CACNB2: variants seen among roughly 807,000 people sequenced by gnomAD.
The protein encoded by CACNB2 is calcium voltage-gated channel auxiliary subunit beta 2.
A neutral mutation model predicts 73.3 loss-of-function variants in CACNB2; 42 were observed. The observed-to-expected ratio is 0.57, with a 90% CI of 0.45 to 0.74. CACNB2 has a LOEUF of 0.74. CACNB2 is among the 30% of genes least tolerant of loss of function. The probability of loss-of-function intolerance (pLI) is 0.00; values close to 1 mark genes in which losing one functional copy is unlikely to be tolerated. For synonymous variants in CACNB2, 348 were observed against 310.3 expected (o/e 1.12, Z -1.28); for missense variants, 940 against 853.0 (o/e 1.10, Z -1.27).
chr10:18,341,074 T>C lies in CACNB2; in HGVS notation c.214-60850T>C, dbSNP rs184120039. ...TGCCGAGCTTGAGCTAAAATCATAC[T>C]AGTTACTTAACTTTTTAGACTTTCT... On this transcript the variant is annotated intron_variant, in intron 2 of 13. Coordinates refer to ENST00000324631, the MANE Select transcript of CACNB2 (RefSeq NM_201596.3). 4 of 1,269,154 alleles carry C rather than the reference T, an allele frequency of 3.2e-6. No homozygotes were observed. The African/African-American group carries it at 4.4e-5, about 14-fold the overall frequency. 78.6% of individuals were successfully genotyped at this position (1,269,154 alleles called of 1,614,324 possible).
At position 18,532,694 on chromosome 10, in the gene CACNB2, A is replaced by AC. The variant is rs1303606450; in HGVS notation, c.1055-1382_1055-1381insC. Among the ~76,000 whole-genome samples, 5 of 81,994 alleles carry AC rather than the reference A, an allele frequency of 6.1e-5. No homozygotes were observed. In the East Asian group the frequency reaches 1.6e-3, roughly 27 times the overall value. 53.8% of individuals were successfully genotyped at this position (81,994 alleles called of 152,430 possible). A position where few individuals can be genotyped will look rare whatever the true frequency, so the allele number is the denominator to read the frequency against. On this transcript the variant is annotated intron_variant, in intron 10 of 13. Coordinates refer to ENST00000324631, the MANE Select transcript of CACNB2 (RefSeq NM_201596.3). The stretch of plus-strand genomic sequence containing the variant: ...TCTGTCTCAAAAAAAAAAAAAAAAA[A>AC]AACAAAACAAAAAAACAAACAAACA...
intron 5 of CACNB2, among the ~76,000 whole-genome samples, chr10:18,502,858 A>T (rs2050283634): frequency 6.6e-6 from 1 of 151,974 alleles, no homozygotes; most frequent in Non-Finnish European, 1.5e-5. Flanking sequence ...CTCCTGGGGC[A>T]TTATGTTCAT....
intron 2 of CACNB2, among the ~76,000 whole-genome samples, chr10:18,278,474 C>T (rs1276120133): frequency 6.6e-6 from 1 of 151,778 alleles, no homozygotes; most frequent in African/African-American, 2.4e-5. Context: ...TTATGTATTC[C>T]CCAGGTGAGG....
chr10:18,539,261 C>T lies in CACNB2; in HGVS notation c.1520C>T (p.Ser507Phe). 1 of 1,613,990 alleles carries T rather than the reference C, an allele frequency of 6.2e-7. No homozygotes were observed. Among genetic ancestry groups the T allele is most frequent in the Non-Finnish European group, 8.5e-7 (1 of 1,180,000 alleles). Residue 507 changes from serine (S) to phenylalanine (F), a missense_variant, in exon 14 of 14, where the codon TCC becomes TTC. Coordinates refer to ENST00000324631, the MANE Select transcript of CACNB2 (RefSeq NM_201596.3). ...CAAGGTGATCAGAGGACTGATCGCT[C>T]CGCTCCTATCCGTTCTGCTTCCCAA... ...GSQGDQRTDR[S>F]APIRSASQAE...
At chr10:18,484,877 G>A (rs2048977692) in intron 3 of CACNB2, among the ~76,000 whole-genome samples, 1 of 152,114 alleles carries the variant, frequency 6.6e-6, no homozygotes, top group African/African-American at 2.4e-5. Context: ...AATCCTGGCT[G>A]GGCGCGATGG....
intron 2 of CACNB2, among the ~76,000 whole-genome samples, chr10:18,295,680 A>G (rs1421806574): frequency 1.3e-5 from 2 of 152,230 alleles, no homozygotes; most frequent in Non-Finnish European, 2.9e-5. Flanking sequence ...TTCACATAAC[A>G]AAGAATGCTA....
In CACNB2 at chr10:18,539,272, C is replaced by A. The variant is rs764111314; in HGVS notation, c.1531C>A (p.Arg511Ser). ...DQRTDRSAPIRSASQAEEEPS... is the reference protein window; with the variant it reads ...DQRTDRSAPISSASQAEEEPS... ...GAGGACTGATCGCTCCGCTCCTATCCGTTCTGCTTCCCAAGCTGAAGAAGA... is the reference window on the plus strand; with the variant it reads ...GAGGACTGATCGCTCCGCTCCTATCAGTTCTGCTTCCCAAGCTGAAGAAGA... The change falls in exon 14 of 14, where the codon CGT becomes AGT. Residue 511 changes from arginine to serine, a missense_variant. Arg to Ser is a moderately radical substitution (Grantham distance 110). Coordinates refer to ENST00000324631, the MANE Select transcript of CACNB2 (RefSeq NM_201596.3). The A allele has an allele frequency of 1.2e-6, 2 of 1,613,818 alleles. No homozygotes were observed. Among genetic ancestry groups the A allele is most frequent in the Admixed American group, 3.3e-5 (2 of 59,952 alleles).
Position 18,150,873 on chromosome 10 carries a change from T to TTTTTTTTTTTTTTTTTTTTTA in CACNB2, c.121-3_121-2insTTTTTTTTTTTTTATTTTTTT, listed in dbSNP as rs760727415. 8.1e-7 allele frequency: 1 copy of TTTTTTTTTTTTTTTTTTTTTA among 1,241,916 alleles called. No homozygotes were observed. Among genetic ancestry groups the TTTTTTTTTTTTTTTTTTTTTA allele is most frequent in the Non-Finnish European group, 1.1e-6 (1 of 911,404 alleles). The allele number at this position is 1,241,916 out of a possible 1,614,324, so 76.9% of individuals were successfully genotyped here. A position where few individuals can be genotyped will look rare whatever the true frequency, so the allele number is the denominator to read the frequency against. ...TATTTGTCTTTTTTTTTTTTTTTTT[T>TTTTTTTTTTTTTTTTTTTTTA]TTTTTTTAGTCATATGGAAAAGGAG... On this transcript the variant is annotated splice_polypyrimidine_tract_variant and intron_variant, in intron 1 of 13. Transcript: ENST00000324631.
intron 2 of CACNB2, among the ~76,000 whole-genome samples, chr10:18,290,495 C>G (rs112593040): frequency 1.3e-5 from 2 of 152,168 alleles, no homozygotes; most frequent in African/African-American, 2.4e-5. Context: ...AGTGACCATT[C>G]TCCCAGGAAG....
intron 2 of CACNB2, among the ~76,000 whole-genome samples, chr10:18,316,235 T>C (rs2040178368): frequency 6.6e-6 from 1 of 152,184 alleles, no homozygotes; most frequent in Admixed American, 6.5e-5. Flanking sequence ...TTAAAGTAAT[T>C]TTTTGCAGTA....
chr10:18,413,952 T>C (rs1304926010), intron 3 of CACNB2, among the ~76,000 whole-genome samples: 1 of 152,232 alleles, frequency 6.6e-6, no homozygotes, highest in Non-Finnish European at 1.5e-5. Flanking sequence ...GAATGGAAAG[T>C]AATGAAACAA....
At chr10:18,508,029 C>T (rs1387760964) in intron 6 of CACNB2, among the ~76,000 whole-genome samples, 1 of 152,114 alleles carries the variant, frequency 6.6e-6, no homozygotes, top group Non-Finnish European at 1.5e-5. Context: ...TCCTCCTCAG[C>T]CTCCCAAACT....
At chr10:18,239,646 T>C (rs896527289) in intron 2 of CACNB2, among the ~76,000 whole-genome samples, 4 of 152,212 alleles carry the variant, frequency 2.6e-5, no homozygotes, top group Admixed American at 2.6e-4. Context: ...CAAGTGCAAG[T>C]ATCTTTTGTA....
chr10:18,333,387 G>C (rs752394260), intron 2 of CACNB2, among the ~76,000 whole-genome samples: 1 of 151,640 alleles, frequency 6.6e-6, no homozygotes, highest in African/African-American at 2.4e-5. Context: ...TGGGACAAAA[G>C]CACTTTGCTC....
At chr10:18,291,072 G>T (rs2039047008) in intron 2 of CACNB2, among the ~76,000 whole-genome samples, 1 of 152,206 alleles carries the variant, frequency 6.6e-6, no homozygotes, top group South Asian at 2.1e-4. Flanking sequence ...CAACAGGTGC[G>T]CAGTGAGCTT....
intron 3 of CACNB2, among the ~76,000 whole-genome samples, chr10:18,473,963 C>T (rs1364503468): frequency 6.6e-6 from 1 of 152,266 alleles, no homozygotes; most frequent in South Asian, 2.1e-4. Flanking sequence ...TTGAGTGAGA[C>T]ACAAAATTGC....
At chr10:18,240,454 G>A (rs2036604892) in intron 2 of CACNB2, among the ~76,000 whole-genome samples, 1 of 152,174 alleles carries the variant, frequency 6.6e-6, no homozygotes, top group Non-Finnish European at 1.5e-5. Context: ...CCTGCAGGGA[G>A]ATATTGAGAA....
rs1251222702 is a variant in CACNB2, at chr10:18,506,558, G to A, written c.670+11G>A. 2 of 1,512,692 alleles carry A rather than the reference G, an allele frequency of 1.3e-6. No individual in the cohort carries two copies. Among genetic ancestry groups the A allele is most frequent in the Non-Finnish European group, 1.8e-6 (2 of 1,087,990 alleles). 93.7% of individuals were successfully genotyped at this position (1,512,692 alleles called of 1,614,324 possible). A position where few individuals can be genotyped will look rare whatever the true frequency, so the allele number is the denominator to read the frequency against. Reference sequence around the variant, plus strand: ...CACCTCCATCATCTGGTAAGTAGGTGATAAATGCTGAATAATACATACTGC... The same window carrying A: ...CACCTCCATCATCTGGTAAGTAGGTAATAAATGCTGAATAATACATACTGC... On this transcript the variant is annotated intron_variant, in intron 6 of 13. Transcript: ENST00000324631.
intron 2 of CACNB2, among the ~76,000 whole-genome samples, chr10:18,396,455 G>A (rs936116649): frequency 8.5e-5 from 13 of 152,082 alleles, no homozygotes; most frequent in Admixed American, 3.9e-4. Context: ...GTCCTGGCCC[G>A]CTGAAGTCTA....
Sources: allele counts gnomAD v4.1 joint callset (sites outside exome capture counted in the v4.1 genomes callset), GRCh38; gene constraint gnomAD v4.1.1; transcripts MANE v1.5; gene names NCBI Gene and HGNC (gene_info 2026-07-23, HGNC 2026-07-21).